The following GPR149 variants were observed in gnomAD, a reference collection of about 807,000 sequenced individuals.
The protein encoded by GPR149 is probable G protein-coupled receptor 149.
A neutral mutation model predicts 50.2 loss-of-function variants in GPR149; 50 were observed. That is an observed-to-expected ratio of 1.00 (90% confidence interval 0.79 to 1.26). The LOEUF is 1.26. GPR149 is among the 50% of genes most tolerant of loss of function. The probability of loss-of-function intolerance (pLI) is 0.00; values close to 1 mark genes in which losing one functional copy is unlikely to be tolerated. For synonymous variants in GPR149, 405 were observed against 358.2 expected (o/e 1.13, Z -1.48); for missense variants, 983 against 895.4 (o/e 1.10, Z -1.25).
intron 3 of GPR149, among the ~76,000 whole-genome samples, chr3:154,400,569 T>C (rs192160067): frequency 6.6e-6 from 1 of 152,126 alleles, no homozygotes; most frequent in East Asian, 1.9e-4. Flanking sequence ...TCCACAATAT[T>C]GTCATTCTGA....
chr3:154,378,780 T>C (rs1450367774), intron 3 of GPR149, among the ~76,000 whole-genome samples: 1 of 152,184 alleles, frequency 6.6e-6, no homozygotes, highest in Non-Finnish European at 1.5e-5. Flanking sequence ...TGGTATCTCA[T>C]TGTGGTTTTA....
intron 3 of GPR149, among the ~76,000 whole-genome samples, chr3:154,409,633 C>T (rs907938278): frequency 9.2e-5 from 14 of 152,032 alleles, no homozygotes; most frequent in African/African-American, 3.4e-4. Flanking sequence ...GAAAATACTT[C>T]AGAGCTCAAA....
chr3:154,407,693 T>TATACACACACACACACACACACAC, intron 3 of GPR149, among the ~76,000 whole-genome samples: 1 of 140,052 alleles, frequency 7.1e-6, no homozygotes, highest in East Asian at 2.1e-4. Flanking sequence ...GTCATGTGTA[T>TATACACACACACACACACACACAC]ACACACACAC....
At chr3:154,391,454 C>T (rs984369586) in intron 3 of GPR149, among the ~76,000 whole-genome samples, 4 of 149,658 alleles carry the variant, frequency 2.7e-5, no homozygotes, top group African/African-American at 9.8e-5. Context: ...ACAGAAGAGC[C>T]ATAAAAAAAG....
At position 154,429,187 on chromosome 3, in the gene GPR149, G is replaced by T. The variant is rs1712411001; in HGVS notation, c.429C>A (p.Ala143=). 4 of 1,613,964 alleles carry T rather than the reference G, an allele frequency of 2.5e-6. No individual in the cohort carries two copies. The African/African-American group carries it at 5.3e-5, about 22-fold the overall frequency. The change falls in exon 1 of 4, where the codon GCC becomes GCA. Residue 143 remains alanine, a synonymous_variant. Coordinates refer to ENST00000389740, the MANE Select transcript of GPR149 (RefSeq NM_001038705.3). ...TMHRGVGSQT[A]SRRSGQVLGV... is the part of the protein sequence containing the mutation. ...CGAGCACCTGGCCCGATCTTCTGGA[G>T]GCTGTCTGGCTCCCCACACCTCTGT...
chr3:154,352,481 C>T, intron 3 of GPR149: 2 of 781,156 alleles, frequency 2.6e-6, no homozygotes, highest in East Asian at 4.9e-5. Context: ...TCAGGAGGCA[C>T]ACACTGGTAA....
At chr3:154,392,884 A>G (rs1388531863) in intron 3 of GPR149, among the ~76,000 whole-genome samples, 1 of 152,044 alleles carries the variant, frequency 6.6e-6, no homozygotes, top group East Asian at 1.9e-4. Context: ...TGAGTCATGA[A>G]GAAACAGAAA....
intron 3 of GPR149, among the ~76,000 whole-genome samples, chr3:154,358,389 A>T (rs1340931174): frequency 6.6e-6 from 1 of 152,178 alleles, no homozygotes; most frequent in East Asian, 1.9e-4. Flanking sequence ...CTATTTTGGC[A>T]AAGTAGCCTC....
intron 3 of GPR149, among the ~76,000 whole-genome samples, chr3:154,412,071 C>A (rs1475504166): frequency 6.6e-6 from 1 of 151,962 alleles, no homozygotes; most frequent in Non-Finnish European, 1.5e-5. Context: ...ATGTAATACA[C>A]CACATAAACA....
chr3:154,428,996 C>A lies in GPR149; in HGVS notation c.620G>T (p.Gly207Val), dbSNP rs752621262. ...VYALAFGLLVGLSVPLTHRLL... is the reference protein window; with the variant it reads ...VYALAFGLLVVLSVPLTHRLL... The stretch of plus-strand genomic sequence containing the variant: ...TCGGTGAGTGAGTGGGACTGAGAGG[C>A]CCACGAGGAGTCCGAAGGCCAAAGC... Residue 207 changes from glycine to valine, a missense_variant, in exon 1 of 4, where the codon GGC becomes GTC. Transcript: ENST00000389740. 2.3e-5 allele frequency: 37 copies of A among 1,613,852 alleles called. No individual in the cohort carries two copies. The highest frequency in any genetic ancestry group is 5.1e-6 in the Non-Finnish European group (6 of 1,180,004).
At chr3:154,399,130 T>C (rs1199562519) in intron 3 of GPR149, among the ~76,000 whole-genome samples, 4 of 151,302 alleles carry the variant, frequency 2.6e-5, no homozygotes, top group African/African-American at 7.4e-5. Flanking sequence ...AGTTGGGCTT[T>C]GGTATTAGTA....
At chr3:154,406,358 G>A (rs1051094870) in intron 3 of GPR149, among the ~76,000 whole-genome samples, 30 of 152,098 alleles carry the variant, frequency 2.0e-4, no homozygotes, top group African/African-American at 7.2e-4. Flanking sequence ...GGGGTATTTG[G>A]CAATTCCTAG....
rs1398714749 is a variant in GPR149, at chr3:154,337,856, T to C, written c.2039A>G (p.Asn680Ser). Residue 680 changes from asparagine to serine, a missense_variant, in exon 4 of 4, where the codon AAT becomes AGT. Coordinates refer to ENST00000389740, the MANE Select transcript of GPR149 (RefSeq NM_001038705.3). ...ASYSLFLPTS[N>S]PDGDINISIP... Reference sequence around the variant, plus strand: ...GGAGATATTAATATCACCATCAGGATTACTGGTGGGCAAAAAGAGGGAGTA... The same window carrying C: ...GGAGATATTAATATCACCATCAGGACTACTGGTGGGCAAAAAGAGGGAGTA... 5.6e-6 allele frequency: 9 copies of C among 1,614,008 alleles called. No individual in the cohort carries two copies. In the South Asian group the frequency reaches 9.9e-5, roughly 18 times the overall value.
chr3:154,375,905 C>T (rs1160204688), intron 3 of GPR149, among the ~76,000 whole-genome samples: 1 of 152,212 alleles, frequency 6.6e-6, no homozygotes, highest in Non-Finnish European at 1.5e-5. Context: ...GAACATCCAT[C>T]TTTCCCTGCT....
chr3:154,426,907 TGTGTGTGA>T (rs769195236), intron 2 of GPR149, among the ~76,000 whole-genome samples: 8 of 121,916 alleles, frequency 6.6e-5, no homozygotes, highest in South Asian at 2.7e-4. Context: ...TGTGTGTGTG[TGTGTGTGA>T]GACAGAGAGA....
At chr3:154,353,594 T>C (rs760713941) in intron 3 of GPR149, 150 of 1,165,444 alleles carry the variant, frequency 1.3e-4, no homozygotes, top group Non-Finnish European at 8.4e-5. Context: ...TTTGATATGG[T>C]ATTGCACCAT....
intron 3 of GPR149, among the ~76,000 whole-genome samples, chr3:154,398,843 G>A (rs992997853): frequency 5.3e-5 from 8 of 152,240 alleles, no homozygotes; most frequent in African/African-American, 1.9e-4. Flanking sequence ...ACAGCAGGAA[G>A]ATTGGATCAA....
chr3:154,340,241 T>C (rs1444844364), intron 3 of GPR149, among the ~76,000 whole-genome samples: 1 of 152,226 alleles, frequency 6.6e-6, no homozygotes, highest in Non-Finnish European at 1.5e-5. Flanking sequence ...TGTAGAGCCT[T>C]GCACGATAAA....
intron 3 of GPR149, among the ~76,000 whole-genome samples, chr3:154,420,109 T>A (rs1277864897): frequency 6.6e-6 from 1 of 152,070 alleles, no homozygotes; most frequent in Non-Finnish European, 1.5e-5. Flanking sequence ...TGGTGTTATA[T>A]GATCATACTT....
Sources: allele counts gnomAD v4.1 joint callset (sites outside exome capture counted in the v4.1 genomes callset), GRCh38; gene constraint gnomAD v4.1.1; transcripts MANE v1.5; gene names NCBI Gene and HGNC (gene_info 2026-07-23, HGNC 2026-07-21).